The following PRKCA variants were observed in gnomAD, a reference collection of about 807,000 sequenced individuals.
PRKCA encodes the protein protein kinase C alpha, also known as protein kinase C alpha type.
In PRKCA, 27 loss-of-function variants were observed where a neutral mutation model predicts 87.0. The observed-to-expected ratio is 0.31, with a 90% confidence interval of 0.23 to 0.43. The LOEUF is 0.43. PRKCA is among the 20% of genes least tolerant of loss of function. The pLI, the probability that PRKCA is intolerant of heterozygous loss-of-function variation, is 1.00. For synonymous variants in PRKCA, 329 were observed against 311.1 expected (o/e 1.06, Z -0.61); for missense variants, 518 against 852.3 (o/e 0.61, Z 4.88).
chr17:66,395,757 G>A (rs1465281971), intron 2 of PRKCA, among the ~76,000 whole-genome samples: 2 of 152,122 alleles, frequency 1.3e-5, no homozygotes, highest in African/African-American at 4.8e-5. Flanking sequence ...ACGCTGAATG[G>A]GATTCTCCAA....
At chr17:66,476,372 C>G (rs937080515) in intron 2 of PRKCA, among the ~76,000 whole-genome samples, 1 of 152,204 alleles carries the variant, frequency 6.6e-6, no homozygotes, top group Non-Finnish European at 1.5e-5. Flanking sequence ...CTGCACAGCA[C>G]TTCCTGCCAC....
Position 66,496,457 on chromosome 17 carries a change from A to G in PRKCA, c.288+174A>G, listed in dbSNP as rs191302255. 3.2e-3 allele frequency among the ~76,000 whole-genome samples: 481 copies of G among 152,290 alleles called. 3 individuals are homozygous for G. The highest frequency in any genetic ancestry group is 0.011 in the African/African-American group (438 of 41,576). On this transcript the variant is annotated intron_variant, in intron 3 of 16. Transcript: ENST00000413366. ...TTATAGCCCATATGAGCTCTGGACT[A>G]CATCTTAGAGAATTTCTCAGAGGAG...
chr17:66,332,752 C>G (rs947698101), intron 2 of PRKCA, among the ~76,000 whole-genome samples: 1 of 150,378 alleles, frequency 6.6e-6, no homozygotes, highest in Non-Finnish European at 1.5e-5. Flanking sequence ...AGTGCAGTGG[C>G]ATGATCTCGG....
chr17:66,778,771 G>T (rs567925612), intron 14 of PRKCA, among the ~76,000 whole-genome samples: 149 of 150,536 alleles, frequency 9.9e-4, no homozygotes, highest in Admixed American at 1.9e-3. Context: ...AGCCCGGGGG[G>T]TCAAGGCTAG....
rs370942672 is a variant in PRKCA at position 66,769,168 on chromosome 17, C to A, written c.1525-4819C>A. 2.1e-4 allele frequency among the ~76,000 whole-genome samples: 32 copies of A among 152,096 alleles called. No homozygotes were observed. The East Asian group carries it at 6.0e-3, about 29-fold the overall frequency. On this transcript the variant is annotated intron_variant, in intron 13 of 16. Coordinates refer to ENST00000413366, the MANE Select transcript of PRKCA (RefSeq NM_002737.3). ...TACCTGTAATCCCAACACACCTATG[C>A]AACAAAGCAAAATCCTGTCTCTAAA...
chr17:66,502,960 G>T (rs939608003), intron 3 of PRKCA, among the ~76,000 whole-genome samples: 13 of 152,114 alleles, frequency 8.5e-5, no homozygotes, highest in Non-Finnish European at 4.4e-5. Context: ...CGCCCAGCGT[G>T]CCCCCCAGCT....
chr17:66,497,930 T>TA (rs1420331040), intron 3 of PRKCA, among the ~76,000 whole-genome samples: 1 of 152,142 alleles, frequency 6.6e-6, no homozygotes, highest in Non-Finnish European at 1.5e-5. Context: ...GGAGGCAAGA[T>TA]AGAGTGCCTG....
chr17:66,325,474 A>T lies in PRKCA; in HGVS notation c.205+19347A>T, dbSNP rs566082157. Reference sequence around the variant, plus strand: ...CGCCCCACTTTAAAAAAAAATCTGGACAGGAAATAACAAAATACTAGGAGT... The same window carrying T: ...CGCCCCACTTTAAAAAAAAATCTGGTCAGGAAATAACAAAATACTAGGAGT... On this transcript the variant is annotated intron_variant, in intron 2 of 16. Coordinates refer to ENST00000413366, the MANE Select transcript of PRKCA (RefSeq NM_002737.3). Among the ~76,000 whole-genome samples the T allele has an allele frequency of 5.4e-4, 82 of 152,256 alleles. 1 individual carries two copies. Among genetic ancestry groups the T allele is most frequent in the South Asian group, 1.2e-3 (6 of 4,822 alleles).
chr17:66,698,826 A>G (rs1362652656), intron 8 of PRKCA, among the ~76,000 whole-genome samples: 1 of 151,196 alleles, frequency 6.6e-6, no homozygotes, highest in African/African-American at 2.4e-5. Context: ...ATACAAAAAA[A>G]AAAAAAAAAA....
At chr17:66,393,149 G>GAGGGGGAAGCTTAGC (rs1342759047) in intron 2 of PRKCA, among the ~76,000 whole-genome samples, 1 of 152,172 alleles carries the variant, frequency 6.6e-6, no homozygotes, top group African/African-American at 2.4e-5. Flanking sequence ...AAGTGGTGGG[G>GAGGGGGAAGCTTAGC]AGGGGGAAGC....
intron 2 of PRKCA, among the ~76,000 whole-genome samples, chr17:66,340,366 C>CTT (rs60167119): frequency 1.6e-5 from 2 of 124,184 alleles, no homozygotes; most frequent in African/African-American, 3.3e-5. Context: ...TGTTTGGTTT[C>CTT]TTTTTTTTTT....
intron 14 of PRKCA, among the ~76,000 whole-genome samples, chr17:66,783,156 C>T (rs1975281823): frequency 6.6e-6 from 1 of 152,188 alleles, no homozygotes; most frequent in South Asian, 2.1e-4. Context: ...AATGCACAGG[C>T]TCTGTCACGG....
intron 2 of PRKCA, among the ~76,000 whole-genome samples, chr17:66,336,696 TATA>T (rs1906701141): frequency 1.3e-5 from 2 of 152,120 alleles, no homozygotes; most frequent in Admixed American, 1.3e-4. Context: ...GCTATTCATA[TATA>T]ATGTTTTACC....
chr17:66,747,632 CT>C (rs1430192590), intron 13 of PRKCA, among the ~76,000 whole-genome samples: 2 of 152,192 alleles, frequency 1.3e-5, no homozygotes, highest in Non-Finnish European at 2.9e-5. Context: ...TTCTTTTTAC[CT>C]ATTGCATTGT....
Position 66,741,711 on chromosome 17 carries a change from A to G in PRKCA, c.1375A>G (p.Ile459Val). 6.2e-7 allele frequency: 1 copy of G among 1,614,150 alleles called. No homozygotes were observed. The change falls in exon 12 of 17, where the codon ATC (isoleucine) becomes GTC (valine). Residue 459 changes from isoleucine to valine, a missense_variant. Physicochemically the swap from Ile to Val is conservative, Grantham distance 29. Transcript: ENST00000413366. The part of the protein sequence containing the change: ...IGLFFLHKRG[I>V]IYRDLKLDNV... ...ATTGTTCTTTCTTCATAAAAGAGGA[A>G]TCATTTATAGGTGTGTATTGAAGCC...
At chr17:66,609,792 A>ATT (rs144832532) in intron 3 of PRKCA, among the ~76,000 whole-genome samples, 8 of 148,982 alleles carry the variant, frequency 5.4e-5, no homozygotes, top group African/African-American at 2.0e-4. Context: ...GCTTTATTTT[A>ATT]TTTTTTTTTT....
chr17:66,398,383 C>T (rs1910812219), intron 2 of PRKCA, among the ~76,000 whole-genome samples: 1 of 152,212 alleles, frequency 6.6e-6, no homozygotes, highest in Non-Finnish European at 1.5e-5. Context: ...CCCAACCACA[C>T]TTTTGAAGTG....
chr17:66,742,676 T>G lies in PRKCA; in HGVS notation c.1440T>G (p.Ala480=), dbSNP rs762176858. The part of the protein sequence containing the change: ...MLDSEGHIKI[A]DFGMCKEHMM... ...ATTCAGAAGGACATATCAAAATTGC[T>G]GACTTTGGGATGTGCAAGGAACACA... Residue 480 remains alanine, a synonymous_variant, in exon 13 of 17, where the codon GCT becomes GCG. Transcript: ENST00000413366. 8 of 1,614,170 alleles carry G rather than the reference T, an allele frequency of 5.0e-6. No homozygotes were observed. The South Asian group carries it at 8.8e-5, about 18-fold the overall frequency.
At chr17:66,566,494 T>G (rs976799044) in intron 3 of PRKCA, among the ~76,000 whole-genome samples, 30 of 149,852 alleles carry the variant, frequency 2.0e-4, no homozygotes, top group African/African-American at 6.1e-4. Flanking sequence ...TTTTTTTTTT[T>G]TTTTTTTTGC....
Sources: allele counts gnomAD v4.1 joint callset (sites outside exome capture counted in the v4.1 genomes callset), GRCh38; gene constraint gnomAD v4.1.1; transcripts MANE v1.5; gene names NCBI Gene and HGNC (gene_info 2026-07-23, HGNC 2026-07-21).